The following SLAIN1 variants were observed in gnomAD, a reference collection of about 807,000 sequenced individuals.
SLAIN1 encodes the protein SLAIN family member 1.
A neutral mutation model predicts 55.4 loss-of-function variants in SLAIN1; 17 were observed. The ratio of observed to expected loss-of-function variants is 0.31; its 90% CI spans 0.21 to 0.46. The LOEUF (loss-of-function observed/expected upper bound fraction) is 0.46, where lower values mean the gene tolerates loss of function less well. SLAIN1 is among the 20% of genes least tolerant of loss of function. The pLI, the probability that SLAIN1 is intolerant of heterozygous loss-of-function variation, is 1.00. For missense variants in SLAIN1, 682 were observed against 785.1 expected (o/e 0.87, Z 1.57); for synonymous variants, 348 against 337.4 (o/e 1.03, Z -0.35).
rs1875288108 is a variant in SLAIN1 at position 77,764,215 on chromosome 13, A to G, written c.*995A>G. On this transcript the variant is annotated 3_prime_UTR_variant, in exon 7 of 7. Coordinates refer to ENST00000418532, the MANE Select transcript of SLAIN1 (RefSeq NM_001242868.2). ...TGTTTTGGAATGTTCAGAAATAAAG[A>G]CTCTATTTCAGCAATATCAGGTCAT... 1.3e-5 allele frequency: 2 copies of G among 152,526 alleles called. No homozygotes were observed. Among genetic ancestry groups the G allele is most frequent in the African/African-American group, 4.8e-5 (2 of 41,426 alleles). The allele number at this position is 152,526 out of a possible 1,614,324, so 9.4% of individuals were successfully genotyped here.
At position 77,763,998 on chromosome 13, in the gene SLAIN1, T is replaced by A. The variant is rs1482276618; in HGVS notation, c.*778T>A. The A allele has an allele frequency of 6.6e-6, 1 of 152,646 alleles. No individual in the cohort carries two copies. The highest frequency in any genetic ancestry group is 1.5e-5 in the Non-Finnish European group (1 of 68,022). The allele number at this position is 152,646 out of a possible 1,614,324, so 9.5% of individuals were successfully genotyped here. A position where few individuals can be genotyped will look rare whatever the true frequency, so the allele number is the denominator to read the frequency against. ...TGCACTTAATACCTGCAATGTTTGC[T>A]ACTGTACCACAATTGATTTTCAATA... On this transcript the variant is annotated 3_prime_UTR_variant, in exon 7 of 7. Transcript: ENST00000418532.
intron 1 of SLAIN1, among the ~76,000 whole-genome samples, chr13:77,707,766 C>T (rs1053869530): frequency 1.3e-5 from 2 of 152,204 alleles, no homozygotes; most frequent in Non-Finnish European, 2.9e-5. Flanking sequence ...AGAATTCTAA[C>T]GAGTCAGCAT....
chr13:77,733,113 C>T (rs540874693), intron 2 of SLAIN1, among the ~76,000 whole-genome samples: 1 of 152,236 alleles, frequency 6.6e-6, no homozygotes, highest in African/African-American at 2.4e-5. Flanking sequence ...TTATAAAACT[C>T]TGATTTCCGT....
chr13:77,723,838 G>A (rs2091283933), intron 2 of SLAIN1, among the ~76,000 whole-genome samples: 1 of 151,738 alleles, frequency 6.6e-6, no homozygotes, highest in African/African-American at 2.4e-5. Flanking sequence ...ACTTCTGTGG[G>A]TCAGAATCGC....
At position 77,734,105 on chromosome 13, in the gene SLAIN1, G is replaced by T. The variant is rs534692887; in HGVS notation, c.767-10178G>T. Among the ~76,000 whole-genome samples, 6 of 152,144 alleles carry T rather than the reference G, an allele frequency of 3.9e-5. No homozygotes were observed. In the South Asian group the frequency reaches 8.3e-4, roughly 21 times the overall value. On this transcript the variant is annotated intron_variant, in intron 2 of 6. Coordinates refer to ENST00000418532, the MANE Select transcript of SLAIN1 (RefSeq NM_001242868.2). ...ATCTGTGTGCCAAGGATTTCTATAG[G>T]CTCTAAATACGTAAAGATATAATAT...
In SLAIN1 at chr13:77,761,128, C is replaced by T. The variant is rs776377303; in HGVS notation, c.1697+18C>T. Reference sequence around the variant, plus strand: ...GTTAGAAGGTAAGAATGTGTATTTGCGTAACTTCATTTGCAGTTTGGAACT... The same window carrying T: ...GTTAGAAGGTAAGAATGTGTATTTGTGTAACTTCATTTGCAGTTTGGAACT... On this transcript the variant is annotated intron_variant, in intron 6 of 6. Coordinates refer to ENST00000418532, the MANE Select transcript of SLAIN1 (RefSeq NM_001242868.2). The T allele has an allele frequency of 1.1e-5, 18 of 1,611,362 alleles. No individual in the cohort carries two copies. Among genetic ancestry groups the T allele is most frequent in the Admixed American group, 5.0e-5 (3 of 59,830 alleles).
At chr13:77,733,740 G>A (rs1872983937) in intron 2 of SLAIN1, among the ~76,000 whole-genome samples, 1 of 152,162 alleles carries the variant, frequency 6.6e-6, no homozygotes, top group Non-Finnish European at 1.5e-5. Context: ...TGTCTGGGAA[G>A]GAGTACTGTG....
rs1368147426 is a variant in SLAIN1, at chr13:77,697,880, C to G, written c.-34C>G. On this transcript the variant is annotated 5_prime_UTR_variant, in exon 1 of 7. Transcript: ENST00000418532. ...CGAGGAGCCGGCGCGGCGGCGCGCA[C>G]TCCCCGGCGGCCGCGGCGCCCTCGG... 4 of 1,313,628 alleles carry G rather than the reference C, an allele frequency of 3.0e-6. No individual in the cohort carries two copies. The highest frequency in any genetic ancestry group is 3.8e-5 in the Admixed American group (1 of 26,512). The allele number at this position is 1,313,628 out of a possible 1,614,324, so 81.4% of individuals were successfully genotyped here.
chr13:77,744,686 T>TA (rs1873697106), intron 3 of SLAIN1, among the ~76,000 whole-genome samples: 1 of 152,084 alleles, frequency 6.6e-6, no homozygotes. Flanking sequence ...GACAGTTTCC[T>TA]AAAAAACTAA....
chr13:77,705,915 GCTCA>G (rs1429090311), intron 1 of SLAIN1, among the ~76,000 whole-genome samples: 1 of 151,940 alleles, frequency 6.6e-6, no homozygotes, highest in Non-Finnish European at 1.5e-5. Context: ...AAGCTATCCT[GCTCA>G]CTGTCAGGAG....
Position 77,744,288 on chromosome 13 carries a change from A to T in SLAIN1, c.772A>T (p.Thr258Ser). Reference protein sequence around the residue: ...SLCFRLEQGYTSRGSPLSPQS... With the variant: ...SLCFRLEQGYSSRGSPLSPQS... ...ACTTTTCCTTTGTGTTTCAGGTTACACTTCCAGGGGCTCCCCACTCAGTCC... is the reference window on the plus strand; with the variant it reads ...ACTTTTCCTTTGTGTTTCAGGTTACTCTTCCAGGGGCTCCCCACTCAGTCC... Residue 258 changes from threonine (T) to serine (S), a missense_variant, in exon 3 of 7, where the codon ACT becomes TCT. Physicochemically the swap from Thr to Ser is moderately conservative, Grantham distance 58. Coordinates refer to ENST00000418532, the MANE Select transcript of SLAIN1 (RefSeq NM_001242868.2). 1.9e-6 allele frequency: 3 copies of T among 1,611,882 alleles called. No individual in the cohort carries two copies. Among genetic ancestry groups the T allele is most frequent in the Non-Finnish European group, 1.7e-6 (2 of 1,178,398 alleles).
At chr13:77,708,692 A>G (rs2091114583) in intron 1 of SLAIN1, among the ~76,000 whole-genome samples, 1 of 152,182 alleles carries the variant, frequency 6.6e-6, no homozygotes, top group African/African-American at 2.4e-5. Flanking sequence ...AAGGAAAACT[A>G]ACAAACAGAA....
Position 77,698,286 on chromosome 13 carries a change from A to G in SLAIN1, c.373A>G (p.Thr125Ala). The G allele has an allele frequency of 7.0e-7, 1 of 1,426,290 alleles. No individual in the cohort carries two copies. The highest frequency in any genetic ancestry group is 9.2e-7 in the Non-Finnish European group (1 of 1,089,128). 88.4% of individuals were successfully genotyped at this position (1,426,290 alleles called of 1,614,324 possible). A position where few individuals can be genotyped will look rare whatever the true frequency, so the allele number is the denominator to read the frequency against. The change falls in exon 1 of 7, where the codon ACC (threonine) becomes GCC (alanine). Residue 125 changes from threonine to alanine, a missense_variant. Around this residue, in one of 3 missense-constraint regions of SLAIN1, gnomAD observed 401 missense variants for 417.3 expected, o/e 0.96. Coordinates refer to ENST00000418532, the MANE Select transcript of SLAIN1 (RefSeq NM_001242868.2). This position sits in a 1 kb window ranked among gnomAD's most constrained non-coding sequence, Gnocchi z 4.1. ...TGGCTCCAGCCCCGCGTTCCCGGGC[A>G]CCTTCTGCCTGCCTAGCCCCGCGCC... ...GGGSSPAFPG[T>A]FCLPSPAPSL...
intron 1 of SLAIN1, among the ~76,000 whole-genome samples, chr13:77,711,238 GGAGATAGAGACAT>G (rs1452394457): frequency 1.3e-5 from 2 of 151,994 alleles, no homozygotes; most frequent in Non-Finnish European, 2.9e-5. Context: ...CAGAACTGAA[GGAGATAGAGACAT>G]GAAAAACCCT....
chr13:77,757,870 C>G (rs1465180300), intron 5 of SLAIN1, among the ~76,000 whole-genome samples: 1 of 152,040 alleles, frequency 6.6e-6, no homozygotes, highest in East Asian at 1.9e-4. Context: ...TAAGCCATTG[C>G]AAATGCTGTT....
At chr13:77,722,420 CA>C (rs113887358) in intron 2 of SLAIN1, among the ~76,000 whole-genome samples, 19,555 of 151,992 alleles carry the variant, frequency 0.13, 2,255 homozygotes, top group African/African-American at 0.31. Flanking sequence ...TGTTATAAGA[CA>C]AATATCAAAT....
chr13:77,702,716 A>ATT (rs112755865), intron 1 of SLAIN1, among the ~76,000 whole-genome samples: 49 of 151,282 alleles, frequency 3.2e-4, no homozygotes, highest in African/African-American at 5.8e-4. Context: ...CATCACTGAT[A>ATT]TTTTTTTTTC....
intron 4 of SLAIN1, among the ~76,000 whole-genome samples, 174 bp downstream of exon 4, chr13:77,747,029 C>T (rs188860329): frequency 4.3e-4 from 66 of 152,212 alleles, no homozygotes; most frequent in Admixed American, 2.9e-3. Flanking sequence ...TAGGTTCAAA[C>T]GATTCTCCTG....
intron 2 of SLAIN1, chr13:77,743,002 T>C: frequency 7.8e-7 from 1 of 1,282,468 alleles, no homozygotes; most frequent in Non-Finnish European, 1.0e-6. Context: ...TGCTATTTTC[T>C]GCTTCTGTGA....
Sources: gnomAD v4.1 joint callset for allele counts (sites outside exome capture counted in the v4.1 genomes callset) on GRCh38, gnomAD v4.1.1 for gene constraint, gnomAD v4.1.1 regional missense constraint, Gnocchi (gnomAD v3.1) non-coding constraint, MANE v1.5 for transcripts, NCBI Gene and HGNC (gene_info 2026-07-23, HGNC 2026-07-21) for gene names.